The following SEPTIN7 variants were observed in gnomAD, a reference collection of about 807,000 sequenced individuals.
SEPTIN7 encodes the protein septin 7.
Under a neutral mutation model 63.3 loss-of-function variants are expected in SEPTIN7, and 10 were observed. The ratio of observed to expected loss-of-function variants is 0.16; its 90% confidence interval spans 0.10 to 0.27. The LOEUF is 0.27. SEPTIN7 is among the 10% of genes least tolerant of loss of function. SEPTIN7 has a pLI of 1.00. For synonymous variants in SEPTIN7, 131 were observed against 165.3 expected (o/e 0.79, Z 1.59); for missense variants, 310 against 521.0 (o/e 0.59, Z 3.94).
intron 3 of SEPTIN7, among the ~76,000 whole-genome samples, chr7:35,850,310 T>G (rs1784898596): frequency 6.6e-6 from 1 of 152,210 alleles, no homozygotes; most frequent in Non-Finnish European, 1.5e-5. Flanking sequence ...ATCAAGGTCA[T>G]ATACTTGTAG....
chr7:35,888,636 A>G (rs574730010), intron 10 of SEPTIN7, among the ~76,000 whole-genome samples: 22 of 152,140 alleles, frequency 1.4e-4, no homozygotes, highest in African/African-American at 4.1e-4. Flanking sequence ...CCTGGGCAAC[A>G]TGGTGAAACC....
At chr7:35,819,531 G>T (rs139571994) in intron 1 of SEPTIN7, among the ~76,000 whole-genome samples, 7 of 152,250 alleles carry the variant, frequency 4.6e-5, no homozygotes, top group Admixed American at 1.3e-4. Flanking sequence ...GTTATTGAAA[G>T]TAGGGTGTTG....
intron 12 of SEPTIN7, chr7:35,900,487 AT>A (rs1306644434): frequency 1.3e-5 from 2 of 152,300 alleles, no homozygotes; most frequent in East Asian, 3.9e-4. Flanking sequence ...TTAACATGAC[AT>A]TTTGGAGATT....
At chr7:35,832,048 C>T in intron 2 of SEPTIN7, 1 of 449,146 alleles carries the variant, frequency 2.2e-6, no homozygotes, top group South Asian at 1.6e-5. Flanking sequence ...AGTTAGAAGT[C>T]AGACTTATTT....
intron 3 of SEPTIN7, among the ~76,000 whole-genome samples, chr7:35,838,219 A>G (rs1274775611): frequency 3.2e-4 from 46 of 143,986 alleles, no homozygotes; most frequent in Admixed American, 9.1e-4. Context: ...TATTAGCTTG[A>G]TTTTTATATT....
intron 1 of SEPTIN7, among the ~76,000 whole-genome samples, chr7:35,816,765 C>T (rs1458676676): frequency 1.3e-5 from 2 of 152,106 alleles, no homozygotes; most frequent in Non-Finnish European, 2.9e-5. Flanking sequence ...TAAAACTATC[C>T]TACTGGGTGT....
intron 3 of SEPTIN7, among the ~76,000 whole-genome samples, chr7:35,863,204 A>G (rs1257607745): frequency 6.6e-6 from 1 of 151,692 alleles, no homozygotes; most frequent in Non-Finnish European, 1.5e-5. Flanking sequence ...GAAAAACTTT[A>G]TTTCACTCAA....
Position 35,905,784 on chromosome 7 carries a change from T to C in SEPTIN7, c.*1491T>C, listed in dbSNP as rs1299440326. 6.6e-6 allele frequency: 1 copy of C among 152,204 alleles called. No homozygotes were observed. Among genetic ancestry groups the C allele is most frequent in the Non-Finnish European group, 1.5e-5 (1 of 68,034 alleles). The allele number at this position is 152,204 out of a possible 1,614,324, so 9.4% of individuals were successfully genotyped here. A position where few individuals can be genotyped will look rare whatever the true frequency, so the allele number is the denominator to read the frequency against. ...CAGTTTCTGACTCATTCAGATTAGG[T>C]ATACTCTCAAGTCCCTGGAAACTGA... On this transcript the variant is annotated 3_prime_UTR_variant, in exon 14 of 14. Transcript: ENST00000350320.
chr7:35,898,581 C>T, intron 12 of SEPTIN7, 198 bp downstream of exon 12: 1 of 471,536 alleles, frequency 2.1e-6, no homozygotes, highest in Non-Finnish European at 3.9e-6. Context: ...TATGCAAGTG[C>T]TTGGACGTAG....
rs552513208 is a variant in SEPTIN7 at position 35,806,890 on chromosome 7, T to G, written c.61+5620T>G. On this transcript the variant is annotated intron_variant, in intron 1 of 13. Transcript: ENST00000350320. ...TTTCAAAGAATACAGATTCTCATAG[T>G]GTTTCACACTTTGATAAATGATAGG... 7.9e-5 allele frequency among the ~76,000 whole-genome samples: 12 copies of G among 152,358 alleles called. No homozygotes were observed. In the East Asian group the frequency reaches 2.3e-3, roughly 29 times the overall value.
chr7:35,883,584 TA>T (rs1787033995), intron 8 of SEPTIN7, among the ~76,000 whole-genome samples: 1 of 150,174 alleles, frequency 6.7e-6, no homozygotes, highest in South Asian at 2.2e-4. Flanking sequence ...TTTTACCTTT[TA>T]TCCCCCCCCA....
At chr7:35,913,528 TTTCCTTCCTTCCTTCTTTCC>T in the SEPTIN7 span, among the ~76,000 whole-genome samples, 2 of 148,862 alleles carry the variant, frequency 1.3e-5, no homozygotes, top group Non-Finnish European at 3.0e-5. Flanking sequence ...TCCTTCTTTC[TTTCCTTCCTTCCTTCTTTCC>T]TTCCTTCCTT....
intron 6 of SEPTIN7, 54 bp downstream of exon 6, chr7:35,873,829 CT>C: frequency 6.6e-7 from 1 of 1,520,098 alleles, no homozygotes; most frequent in Non-Finnish European, 9.1e-7. Context: ...TTACTGTTAC[CT>C]TTATGTGCAT....
chr7:35,865,394 C>T (rs1262300162), intron 4 of SEPTIN7, among the ~76,000 whole-genome samples: 3 of 152,160 alleles, frequency 2.0e-5, no homozygotes, highest in Non-Finnish European at 4.4e-5. Flanking sequence ...ATGTTACATA[C>T]ATATACTTTT....
At chr7:35,896,428 A>T (rs1787964519) in intron 11 of SEPTIN7, among the ~76,000 whole-genome samples, 1 of 152,154 alleles carries the variant, frequency 6.6e-6, no homozygotes, top group South Asian at 2.1e-4. Flanking sequence ...AGTGGGAATT[A>T]TAGACTCTTT....
chr7:35,819,329 C>A (rs1296731370), intron 1 of SEPTIN7, among the ~76,000 whole-genome samples: 1 of 152,128 alleles, frequency 6.6e-6, no homozygotes, highest in Non-Finnish European at 1.5e-5. Flanking sequence ...GTATGATTTT[C>A]AGCCCATTTA....
intron 11 of SEPTIN7, among the ~76,000 whole-genome samples, chr7:35,895,114 G>T (rs1376072699): frequency 1.3e-5 from 2 of 151,990 alleles, no homozygotes; most frequent in Non-Finnish European, 2.9e-5. Context: ...TACTATATGG[G>T]GGTGGGTAAG....
chr7:35,890,088 G>C (rs935957101), intron 10 of SEPTIN7, among the ~76,000 whole-genome samples: 1 of 152,116 alleles, frequency 6.6e-6, no homozygotes, highest in Non-Finnish European at 1.5e-5. Context: ...CATATGTATT[G>C]TAGACTTATA....
At chr7:35,874,634 AG>A (rs1428095379) in intron 6 of SEPTIN7, among the ~76,000 whole-genome samples, 1 of 152,098 alleles carries the variant, frequency 6.6e-6, no homozygotes, top group African/African-American at 2.4e-5. Context: ...AATTCCTTCA[AG>A]TATACCTTTC....
Sources: allele counts gnomAD v4.1 joint callset (sites outside exome capture counted in the v4.1 genomes callset), GRCh38; gene constraint gnomAD v4.1.1; transcripts MANE v1.5; gene names NCBI Gene and HGNC (gene_info 2026-07-23, HGNC 2026-07-21).